CTNNA3: variants seen among roughly 807,000 people sequenced by gnomAD.
CTNNA3 encodes the protein catenin alpha-3.
CTNNA3 carries 76 observed loss-of-function variants against 95.7 expected under a neutral mutation model. That is an observed-to-expected ratio of 0.79 (90% confidence interval 0.66 to 0.96). The LOEUF is 0.96. CTNNA3 is among the 40% of genes least tolerant of loss of function. The probability of loss-of-function intolerance (pLI) is 0.00; values close to 1 mark genes in which losing one functional copy is unlikely to be tolerated. For missense variants in CTNNA3, 1,191 were observed against 1,089.8 expected, an observed-to-expected ratio of 1.09 and a Z score of -1.31; for synonymous variants, 431 against 374.4, an observed-to-expected ratio of 1.15 and a Z score of -1.74.
At chr10:66,481,964 A>T (rs1249860488) in intron 11 of CTNNA3, among the ~76,000 whole-genome samples, 1 of 152,006 alleles carries the variant, frequency 6.6e-6, no homozygotes, top group Non-Finnish European at 1.5e-5. Context: ...GAAAGAAAAA[A>T]AAAGAGAGAC....
chr10:67,591,791 C>G (rs1242921154), intron 3 of CTNNA3, among the ~76,000 whole-genome samples: 3 of 151,824 alleles, frequency 2.0e-5, no homozygotes, highest in African/African-American at 7.3e-5. Context: ...AAGAATTCTC[C>G]AAAATAAATG....
At chr10:66,121,063 A>G (rs2082552537) in intron 13 of CTNNA3, among the ~76,000 whole-genome samples, 2 of 152,224 alleles carry the variant, frequency 1.3e-5, no homozygotes, top group African/African-American at 4.8e-5. Flanking sequence ...TATACATAAC[A>G]TGAAATGGAG....
rs2081718856 is a variant in CTNNA3 at position 66,103,156 on chromosome 10, C to T, written c.1977+1G>A. On this transcript the variant is annotated splice_donor_variant, in intron 14 of 17. Coordinates refer to ENST00000433211, the MANE Select transcript of CTNNA3 (RefSeq NM_013266.4). LOFTEE classifies it high-confidence loss of function. ...TTCTCCCACCAGTTGAAGTGACATA[C>T]CCTATCAGTTTTCCCTTCGGTCTGA... 2 of 1,611,966 alleles carry T rather than the reference C, an allele frequency of 1.2e-6. No individual in the cohort carries two copies. The highest frequency in any genetic ancestry group is 1.7e-6 in the Non-Finnish European group (2 of 1,178,038).
At chr10:66,582,429 G>T (rs1247430760) in intron 10 of CTNNA3, among the ~76,000 whole-genome samples, 1 of 151,530 alleles carries the variant, frequency 6.6e-6, no homozygotes, top group Non-Finnish European at 1.5e-5. Flanking sequence ...TTTTTTATTT[G>T]ATTTTCAGCT....
chr10:67,065,544 T>C (rs1236021555), intron 7 of CTNNA3, among the ~76,000 whole-genome samples: 1 of 152,046 alleles, frequency 6.6e-6, no homozygotes, highest in East Asian at 1.9e-4. Flanking sequence ...ACAGGAAGTA[T>C]AAGCTTCCCA....
At chr10:66,662,125 A>C (rs1463404973) in intron 9 of CTNNA3, among the ~76,000 whole-genome samples, 1 of 152,210 alleles carries the variant, frequency 6.6e-6, no homozygotes, top group Non-Finnish European at 1.5e-5. Context: ...GTTTATCTAA[A>C]ATTCAAATCT....
chr10:66,916,604 A>G lies in CTNNA3; in HGVS notation c.1048-141080T>C, dbSNP rs553562878. Among the ~76,000 whole-genome samples, 10 of 152,316 alleles carry G rather than the reference A, an allele frequency of 6.6e-5. No homozygotes were observed. The East Asian group carries it at 1.7e-3, about 26-fold the overall frequency. On this transcript the variant is annotated intron_variant, in intron 7 of 17. Coordinates refer to ENST00000433211, the MANE Select transcript of CTNNA3 (RefSeq NM_013266.4). ...CAAGAATCCTGAGAAAGCTAATACT[A>G]TAAGCCATTATCAGCTAATACCATA...
rs141201334 is a variant in CTNNA3 at position 66,913,634 on chromosome 10, A to T, written c.1048-138110T>A. On this transcript the variant is annotated intron_variant, in intron 7 of 17. Transcript: ENST00000433211. ...ACAGAATACATGGTAGAGTCAAGGC[A>T]GCTACAGTCTAAGTGCTTACTGAAG... Among the ~76,000 whole-genome samples, 542 of 152,340 alleles carry T rather than the reference A, an allele frequency of 3.6e-3. 2 individuals are homozygous for T. Among genetic ancestry groups the T allele is most frequent in the African/African-American group, 0.012 (514 of 41,570 alleles).
At chr10:66,597,029 A>C (rs930983123) in intron 10 of CTNNA3, among the ~76,000 whole-genome samples, 2 of 152,118 alleles carry the variant, frequency 1.3e-5, no homozygotes, top group South Asian at 4.1e-4. Context: ...CAGAAGAATA[A>C]AATTAATGAA....
At chr10:66,074,796 A>G (rs118022658) in intron 14 of CTNNA3, among the ~76,000 whole-genome samples, 1,687 of 152,046 alleles carry the variant, frequency 0.011, 47 homozygotes, top group Admixed American at 0.051. Context: ...AATAATAATT[A>G]TGACATTACA....
chr10:67,299,565 T>A (rs1459199044), intron 5 of CTNNA3, among the ~76,000 whole-genome samples: 3 of 152,180 alleles, frequency 2.0e-5, no homozygotes, highest in African/African-American at 2.4e-5. Flanking sequence ...ATTCTTTATA[T>A]TGTGAAGATT....
intron 11 of CTNNA3, among the ~76,000 whole-genome samples, chr10:66,489,532 C>T (rs1455284564): frequency 6.6e-6 from 1 of 152,078 alleles, no homozygotes; most frequent in Non-Finnish European, 1.5e-5. Context: ...CCTCTTGATA[C>T]TCCCCAACGT....
intron 9 of CTNNA3, among the ~76,000 whole-genome samples, chr10:66,691,336 C>T (rs1847528495): frequency 6.6e-6 from 1 of 152,158 alleles, no homozygotes; most frequent in Non-Finnish European, 1.5e-5. Context: ...GGGTCCTACG[C>T]CCATGGAGTC....
In CTNNA3 at chr10:65,919,765, C is replaced by T. The variant is rs1011365385; in HGVS notation, c.*565G>A. 2 of 152,400 alleles carry T rather than the reference C, an allele frequency of 1.3e-5. No individual in the cohort carries two copies. The highest frequency in any genetic ancestry group is 2.9e-5 in the Non-Finnish European group (2 of 68,296). 9.4% of individuals were successfully genotyped at this position (152,400 alleles called of 1,614,324 possible). Reference sequence around the variant, plus strand: ...TGATTAGTTTATAATGGATATTAGCCTAATAAGTTGACAATGAGTACAGCT... The same window carrying T: ...TGATTAGTTTATAATGGATATTAGCTTAATAAGTTGACAATGAGTACAGCT... On this transcript the variant is annotated 3_prime_UTR_variant, in exon 18 of 18. Coordinates refer to ENST00000433211, the MANE Select transcript of CTNNA3 (RefSeq NM_013266.4).
At chr10:65,922,394 T>G (rs1389880763) in intron 17 of CTNNA3, among the ~76,000 whole-genome samples, 1 of 152,152 alleles carries the variant, frequency 6.6e-6, no homozygotes, top group East Asian at 1.9e-4. Context: ...CAAGTTGTGT[T>G]TCTTTGGAAG....
rs187990847 is a variant in CTNNA3, at chr10:66,335,018, G to A, written c.1732+44134C>T. ...CTGATACCCTTTCTTCCAGTTGATC[G>A]AATCGGCTACTGAGGCTTATGCATT... On this transcript the variant is annotated intron_variant, in intron 12 of 17. Coordinates refer to ENST00000433211, the MANE Select transcript of CTNNA3 (RefSeq NM_013266.4). Among the ~76,000 whole-genome samples the A allele has an allele frequency of 4.4e-3, 672 of 152,016 alleles. 6 individuals are homozygous for A. The highest frequency in any genetic ancestry group is 6.7e-3 in the Non-Finnish European group (452 of 67,938).
chr10:67,199,487 A>G (rs1863536866), intron 6 of CTNNA3, among the ~76,000 whole-genome samples: 1 of 152,036 alleles, frequency 6.6e-6, no homozygotes, highest in Admixed American at 6.6e-5. Context: ...CTTCTTCCTG[A>G]GCCTCCCAAG....
intron 7 of CTNNA3, among the ~76,000 whole-genome samples, chr10:66,964,382 A>T (rs1011509648): frequency 1.3e-5 from 2 of 151,880 alleles, no homozygotes; most frequent in Non-Finnish European, 2.9e-5. Flanking sequence ...TGTTTCTCTC[A>T]TACTTTAAAA....
chr10:67,311,046 T>C (rs1426377426), intron 5 of CTNNA3, among the ~76,000 whole-genome samples: 5 of 152,168 alleles, frequency 3.3e-5, no homozygotes, highest in Admixed American at 1.3e-4. Context: ...AGGTAACTAG[T>C]ATAAAGGAAT....
Sources: allele counts gnomAD v4.1 joint callset (sites outside exome capture counted in the v4.1 genomes callset), GRCh38; gene constraint gnomAD v4.1.1; transcripts MANE v1.5; gene names NCBI Gene and HGNC (gene_info 2026-07-23, HGNC 2026-07-21).